The following EXT2 variants were observed in gnomAD, a reference collection of about 807,000 sequenced individuals.
EXT2 encodes the protein exostosin glycosyltransferase 2.
A neutral mutation model predicts 81.6 loss-of-function variants in EXT2; 53 were observed. That is an observed-to-expected ratio of 0.65 (90% CI 0.52 to 0.82). EXT2 has a LOEUF of 0.82. EXT2 is among the 40% of genes least tolerant of loss of function. The probability of loss-of-function intolerance (pLI) is 0.00; values close to 1 mark genes in which losing one functional copy is unlikely to be tolerated. For synonymous variants in EXT2, 320 were observed against 340.0 expected (o/e 0.94, Z 0.65); for missense variants, 774 against 910.2 (o/e 0.85, Z 1.93).
chr11:44,166,978 G>A (rs1309511573), intron 7 of EXT2, among the ~76,000 whole-genome samples: 5 of 152,202 alleles, frequency 3.3e-5, no homozygotes, highest in Admixed American at 1.3e-4. Flanking sequence ...CTGCTTACAG[G>A]CATTGTAGAA....
intron 4 of EXT2, among the ~76,000 whole-genome samples, chr11:44,120,359 G>A (rs1356018133): frequency 3.3e-5 from 5 of 152,338 alleles, no homozygotes; most frequent in South Asian, 2.1e-4. Context: ...CGCTGAGCAT[G>A]TACCTCCCTC....
In EXT2 at chr11:44,108,258, A is replaced by C. The variant is rs748432706; in HGVS notation, c.536+10A>C. 1.2e-6 allele frequency: 2 copies of C among 1,610,334 alleles called. No homozygotes were observed. The highest frequency in any genetic ancestry group is 3.3e-5 in the Admixed American group (2 of 59,998). On this transcript the variant is annotated intron_variant, in intron 2 of 13. Coordinates refer to ENST00000533608, the MANE Select transcript of EXT2 (RefSeq NM_207122.2). ...TGGCCCAGCTCTCTAGGTATCTCAC[A>C]CTCATACAGCCCAGCCCCCAGGAGA...
At chr11:44,180,257 C>CT (rs1955216890) in intron 8 of EXT2, among the ~76,000 whole-genome samples, 1 of 152,164 alleles carries the variant, frequency 6.6e-6, no homozygotes. Flanking sequence ...CCTGTTGTTT[C>CT]TACTTCCCCT....
intron 7 of EXT2, among the ~76,000 whole-genome samples, chr11:44,142,106 C>G (rs925962507): frequency 2.0e-5 from 3 of 152,148 alleles, no homozygotes; most frequent in African/African-American, 7.2e-5. Flanking sequence ...GGCTAACATG[C>G]TACAAATATT....
At chr11:44,097,650 G>C (rs1293052664) in intron 1 of EXT2, among the ~76,000 whole-genome samples, 2 of 151,956 alleles carry the variant, frequency 1.3e-5, no homozygotes, top group East Asian at 3.8e-4. Flanking sequence ...AATTAGCTGG[G>C]TGTGGTAGCA....
At chr11:44,192,798 T>C (rs971909177) in intron 8 of EXT2, among the ~76,000 whole-genome samples, 6 of 152,162 alleles carry the variant, frequency 3.9e-5, no homozygotes, top group Non-Finnish European at 5.9e-5. Context: ...GTTAAATATC[T>C]CTATAAAATC....
chr11:44,149,679 A>G (rs954351805), intron 7 of EXT2, among the ~76,000 whole-genome samples: 5 of 152,170 alleles, frequency 3.3e-5, no homozygotes, highest in Non-Finnish European at 5.9e-5. Context: ...TGCTTTAGCC[A>G]TTTTCTCTGG....
At chr11:44,214,241 A>T (rs1175732411) in intron 10 of EXT2, among the ~76,000 whole-genome samples, 4 of 152,178 alleles carry the variant, frequency 2.6e-5, no homozygotes, top group Non-Finnish European at 5.9e-5. Flanking sequence ...AGCCTCTCCG[A>T]GTAGCTGGGA....
chr11:44,217,173 G>C (rs1051071214), intron 10 of EXT2, among the ~76,000 whole-genome samples: 4 of 151,814 alleles, frequency 2.6e-5, no homozygotes, highest in African/African-American at 9.7e-5. Flanking sequence ...TGAGAAAACT[G>C]AAGTGCACAG....
intron 10 of EXT2, among the ~76,000 whole-genome samples, chr11:44,228,260 G>A (rs1197725391): frequency 6.6e-6 from 1 of 152,182 alleles, no homozygotes; most frequent in East Asian, 1.9e-4. Flanking sequence ...AACTGTGGAA[G>A]CACTGTTACT....
rs1382360508 is a variant in EXT2 at position 44,248,831 on chromosome 11, G to T, written c.*4544G>T. On this transcript the variant is annotated 3_prime_UTR_variant, in exon 14 of 14. Coordinates refer to ENST00000533608, the MANE Select transcript of EXT2 (RefSeq NM_207122.2). ...CGGCTCACCATTGCTGGCAACAGTG[G>T]GAAGATGACCAGAGAAAGTTTGGCC... Among the ~76,000 whole-genome samples, 1 of 152,096 alleles carries T rather than the reference G, an allele frequency of 6.6e-6. No homozygotes were observed. The highest frequency in any genetic ancestry group is 6.5e-5 in the Admixed American group (1 of 15,272).
intron 9 of EXT2, among the ~76,000 whole-genome samples, chr11:44,201,013 G>T (rs1423452229): frequency 6.6e-6 from 1 of 152,138 alleles, no homozygotes; most frequent in Non-Finnish European, 1.5e-5. Context: ...AGGTCACCTG[G>T]CTCAGCTGTT....
At chr11:44,153,278 T>C (rs759779318) in intron 7 of EXT2, among the ~76,000 whole-genome samples, 8 of 152,238 alleles carry the variant, frequency 5.3e-5, no homozygotes, top group Non-Finnish European at 1.2e-4. Context: ...AGTGCTAATG[T>C]AAATGGTGAT....
intron 8 of EXT2, among the ~76,000 whole-genome samples, chr11:44,182,178 T>C (rs919469445): frequency 6.6e-6 from 1 of 152,214 alleles, no homozygotes; most frequent in Non-Finnish European, 1.5e-5. Flanking sequence ...CCCTGCTTTC[T>C]GTGCCTGGGG....
intron 7 of EXT2, among the ~76,000 whole-genome samples, chr11:44,166,169 A>G (rs185036644): frequency 6.8e-4 from 104 of 152,366 alleles, no homozygotes; most frequent in African/African-American, 2.5e-3. Context: ...ACAGAAAAAC[A>G]ATTATAGAAC....
chr11:44,146,799 C>G (rs1044721171), intron 7 of EXT2, among the ~76,000 whole-genome samples: 1 of 152,184 alleles, frequency 6.6e-6, no homozygotes, highest in Non-Finnish European at 1.5e-5. Flanking sequence ...TTGCATATCA[C>G]AGTTTATGTT....
intron 10 of EXT2, among the ~76,000 whole-genome samples, chr11:44,212,797 A>AGCAT (rs1199737541): frequency 2.0e-5 from 3 of 152,216 alleles, no homozygotes; most frequent in Non-Finnish European, 4.4e-5. Context: ...CAGAAGTGTT[A>AGCAT]TGCTAAGTGA....
intron 4 of EXT2, among the ~76,000 whole-genome samples, chr11:44,117,203 AGG>A (rs1425497636): frequency 4.7e-4 from 72 of 152,262 alleles, no homozygotes; most frequent in Non-Finnish European, 8.8e-5. Context: ...TCCTGACCTC[AGG>A]TGATCCACCC....
At chr11:44,242,929 C>G (rs998379964) in intron 13 of EXT2, among the ~76,000 whole-genome samples, 2 of 152,066 alleles carry the variant, frequency 1.3e-5, no homozygotes, top group Non-Finnish European at 2.9e-5. Context: ...TAGTCCTACC[C>G]CATAGGGTTG....
Sources: allele counts gnomAD v4.1 joint callset (sites outside exome capture counted in the v4.1 genomes callset), GRCh38; gene constraint gnomAD v4.1.1; transcripts MANE v1.5; gene names NCBI Gene and HGNC (gene_info 2026-07-23, HGNC 2026-07-21).